FAT3: variants seen among roughly 807,000 people sequenced by gnomAD.
FAT3 encodes FAT atypical cadherin 3.
In FAT3, 95 loss-of-function variants were observed where a neutral mutation model predicts 310.2. That is an observed-to-expected ratio of 0.31 (90% CI 0.26 to 0.36). FAT3 has a LOEUF of 0.36. FAT3 is among the 10% of genes least tolerant of loss of function. The pLI, the probability that FAT3 is intolerant of heterozygous loss-of-function variation, is 1.00. For missense variants in FAT3, 5,408 were observed against 5,715.6 expected, an observed-to-expected ratio of 0.95 and a Z score of 1.74; for synonymous variants, 2,314 against 2,192.9, an observed-to-expected ratio of 1.06 and a Z score of -1.54.
At chr11:92,526,869 A>G (rs1402813697) in intron 3 of FAT3, among the ~76,000 whole-genome samples, 1 of 152,168 alleles carries the variant, frequency 6.6e-6, no homozygotes, top group Non-Finnish European at 1.5e-5. Flanking sequence ...CATACCTTGT[A>G]GTTTCCAGAC....
chr11:92,799,673 T>C lies in FAT3; in HGVS notation c.6660T>C (p.Tyr2220=). 2 of 1,613,680 alleles carry C rather than the reference T, an allele frequency of 1.2e-6. No individual in the cohort carries two copies. ...ATSPEGQGII[Y]IIIDGDPFKQ... is the part of the protein sequence containing the mutation. ...GTCCAGAAGGCCAAGGCATCATATA[T>C]ATCATTATCGATGGGGACCCTTTTA... The change falls in exon 10 of 28, where the codon TAT becomes TAC. Residue 2220 remains tyrosine (Y), a synonymous_variant. Transcript: ENST00000525166.
At chr11:92,393,777 C>T (rs1949799829) in intron 2 of FAT3, among the ~76,000 whole-genome samples, 2 of 152,092 alleles carry the variant, frequency 1.3e-5, no homozygotes, top group South Asian at 2.1e-4. Context: ...AGCAGAATAG[C>T]ATGAAGGGCT....
intron 2 of FAT3, among the ~76,000 whole-genome samples, chr11:92,429,319 T>C (rs1172386962): frequency 2.0e-5 from 3 of 152,180 alleles, no homozygotes; most frequent in Non-Finnish European, 2.9e-5. Context: ...GGGATGGGAC[T>C]TAACTCTTTA....
chr11:92,551,232 T>C (rs947360137), intron 3 of FAT3, among the ~76,000 whole-genome samples: 1 of 152,066 alleles, frequency 6.6e-6, no homozygotes, highest in African/African-American at 2.4e-5. Flanking sequence ...GAACCTGTAG[T>C]AGAAATACAA....
rs746895627 is a variant in FAT3 at position 92,883,342 on chromosome 11, C to T, written c.12886C>T (p.Arg4296Cys). The change falls in exon 24 of 28, where the codon CGC (arginine) becomes TGC (cysteine). Residue 4296 changes from arginine to cysteine, a missense_variant. Coordinates refer to ENST00000525166, the MANE Select transcript of FAT3 (RefSeq NM_001367949.2). This position sits in a 1 kb window ranked among gnomAD's most constrained non-coding sequence, Gnocchi z 4.2. Reference sequence around the variant, plus strand: ...CAACCTCCCCGCCGTGTCACCCTGCCGCTCCGACTGCGACTCCATCCGGAA... The same window carrying T: ...CAACCTCCCCGCCGTGTCACCCTGCTGCTCCGACTGCGACTCCATCCGGAA... ...APNLPAVSPC[R>C]SDCDSIRKNG... 1 of 1,610,124 alleles carries T rather than the reference C, an allele frequency of 6.2e-7. No individual in the cohort carries two copies. The highest frequency in any genetic ancestry group is 8.5e-7 in the Non-Finnish European group (1 of 1,178,288).
In FAT3 at chr11:92,879,697, C is replaced by T. The variant is rs1949628248; in HGVS notation, c.12128-1034C>T. Among the ~76,000 whole-genome samples, 3 of 151,908 alleles carry T rather than the reference C, an allele frequency of 2.0e-5. No homozygotes were observed. The South Asian group carries it at 6.2e-4, about 32-fold the overall frequency. The stretch of plus-strand genomic sequence containing the variant: ...AGATAGGGGCATCACAAGAGGTGTT[C>T]CTATGTGGTGAGGCTGAAGGTTTGA... On this transcript the variant is annotated intron_variant, in intron 22 of 27. Coordinates refer to ENST00000525166, the MANE Select transcript of FAT3 (RefSeq NM_001367949.2).
intron 2 of FAT3, among the ~76,000 whole-genome samples, chr11:92,405,024 A>G (rs1012156653): frequency 6.6e-6 from 1 of 152,110 alleles, no homozygotes; most frequent in East Asian, 1.9e-4. Flanking sequence ...ACAGAACATC[A>G]TGAGACTTCT....
At chr11:92,685,097 T>A (rs573190313) in intron 3 of FAT3, among the ~76,000 whole-genome samples, 58 of 152,276 alleles carry the variant, frequency 3.8e-4, no homozygotes, top group African/African-American at 1.3e-3. Context: ...TTTCCTTTTT[T>A]AAAATGTTTT....
At chr11:92,795,922 A>G (rs945409647) in intron 9 of FAT3, among the ~76,000 whole-genome samples, 8 of 151,976 alleles carry the variant, frequency 5.3e-5, no homozygotes, top group Non-Finnish European at 8.8e-5. Flanking sequence ...AAAAACAAAA[A>G]ATTATATTTG....
chr11:92,543,572 G>A (rs1954520018), intron 3 of FAT3, among the ~76,000 whole-genome samples: 1 of 152,128 alleles, frequency 6.6e-6, no homozygotes, highest in Non-Finnish European at 1.5e-5. Flanking sequence ...TAAAGGGAGA[G>A]GAGTGGTGGT....
intron 4 of FAT3, among the ~76,000 whole-genome samples, chr11:92,721,662 C>T (rs1944862413): frequency 6.6e-6 from 1 of 152,064 alleles, no homozygotes. Context: ...CCTTGATGCT[C>T]ATGCCAATTG....
intron 3 of FAT3, among the ~76,000 whole-genome samples, chr11:92,602,529 C>G (rs1940079714): frequency 6.6e-6 from 1 of 152,216 alleles, no homozygotes; most frequent in Non-Finnish European, 1.5e-5. Flanking sequence ...TGAACCCAGG[C>G]AGTTTGACTT....
rs1435691909 is a variant in FAT3 at position 92,299,645 on chromosome 11, G to A, written c.-17-52451G>A. Among the ~76,000 whole-genome samples the A allele has an allele frequency of 3.3e-5, 5 of 152,186 alleles. No individual in the cohort carries two copies. The East Asian group carries it at 7.8e-4, about 24-fold the overall frequency. Reference sequence around the variant, plus strand: ...GACTTATATTTGACAATCACAGCAGGAAACCTTTAGTAGAAGTGATTATCA... The same window carrying A: ...GACTTATATTTGACAATCACAGCAGAAAACCTTTAGTAGAAGTGATTATCA... On this transcript the variant is annotated intron_variant, in intron 1 of 27. Transcript: ENST00000525166.
At chr11:92,880,937 C>A (rs2136400145) in intron 23 of FAT3, 53 bp downstream of exon 23, 4 of 1,573,500 alleles carry the variant, frequency 2.5e-6, no homozygotes, top group Non-Finnish European at 3.5e-6. Context: ...ATTGCTACAA[C>A]AAACCAGTAA....
intron 13 of FAT3, among the ~76,000 whole-genome samples, chr11:92,827,782 A>G (rs1182201163): frequency 6.6e-6 from 1 of 152,084 alleles, no homozygotes; most frequent in East Asian, 1.9e-4. Context: ...CACTCCACAA[A>G]TTGCCACTAC....
chr11:92,412,738 T>TACACACAC (rs1333752601), intron 2 of FAT3, among the ~76,000 whole-genome samples: 1 of 63,734 alleles, frequency 1.6e-5, no homozygotes, highest in African/African-American at 9.0e-5. Flanking sequence ...TATATATATA[T>TACACACAC]ATATATAAAT....
intron 2 of FAT3, among the ~76,000 whole-genome samples, chr11:92,517,111 C>G (rs886895548): frequency 6.6e-5 from 10 of 152,108 alleles, no homozygotes; most frequent in Non-Finnish European, 1.3e-4. Context: ...TGACTTTCTT[C>G]AAAGAATTGG....
intron 4 of FAT3, among the ~76,000 whole-genome samples, chr11:92,751,427 G>A (rs552350196): frequency 5.3e-5 from 8 of 152,284 alleles, no homozygotes; most frequent in Middle Eastern, 3.4e-3. Flanking sequence ...CCTCCCTCTC[G>A]TCTCCATGAT....
chr11:92,303,085 T>C (rs968301887), intron 1 of FAT3, among the ~76,000 whole-genome samples: 4 of 152,096 alleles, frequency 2.6e-5, no homozygotes, highest in Non-Finnish European at 4.4e-5. Flanking sequence ...CACTAAATAG[T>C]GATGTATCCA....
Sources: allele counts gnomAD v4.1 joint callset (sites outside exome capture counted in the v4.1 genomes callset), GRCh38; gene constraint gnomAD v4.1.1; non-coding constraint Gnocchi (gnomAD v3.1); transcripts MANE v1.5; gene names NCBI Gene and HGNC (gene_info 2026-07-23, HGNC 2026-07-21).